Variants in GALNT17 observed in about 807,000 individuals in gnomAD.
The protein encoded by GALNT17 is polypeptide N-acetylgalactosaminyltransferase 17.
Under a neutral mutation model 63.7 loss-of-function variants are expected in GALNT17, and 29 were observed. The observed-to-expected ratio is 0.46, with a 90% CI of 0.34 to 0.62. The LOEUF is 0.62. Ranked by LOEUF, GALNT17 falls within the 20% of genes least tolerant of loss-of-function variation. The probability of loss-of-function intolerance (pLI) is 0.01; values close to 1 mark genes in which losing one functional copy is unlikely to be tolerated. For synonymous variants in GALNT17, 305 were observed against 318.3 expected, an observed-to-expected ratio of 0.96 and a Z score of 0.45; for missense variants, 603 against 799.6, an observed-to-expected ratio of 0.75 and a Z score of 2.97.
chr7:71,289,748 G>A (rs952402356), intron 1 of GALNT17, among the ~76,000 whole-genome samples: 6 of 151,978 alleles, frequency 3.9e-5, no homozygotes, highest in African/African-American at 7.2e-5. Flanking sequence ...GCGTGGTAGC[G>A]CATGCCTGTA....
intron 6 of GALNT17, among the ~76,000 whole-genome samples, chr7:71,626,026 A>G (rs1790370626): frequency 6.6e-6 from 1 of 152,116 alleles, no homozygotes; most frequent in Non-Finnish European, 1.5e-5. Context: ...CAGGCAGATC[A>G]CAAGGTCAGG....
At chr7:71,604,321 T>G (rs1562707505) in intron 6 of GALNT17, among the ~76,000 whole-genome samples, 1 of 152,130 alleles carries the variant, frequency 6.6e-6, no homozygotes, top group East Asian at 1.9e-4. Context: ...CTATGATAAG[T>G]GCATTCACCA....
At chr7:71,457,225 A>G (rs571885492) in intron 5 of GALNT17, among the ~76,000 whole-genome samples, 1 of 152,308 alleles carries the variant, frequency 6.6e-6, no homozygotes, top group Non-Finnish European at 1.5e-5. Flanking sequence ...CCTGCAGGGA[A>G]TTTCCTTGTG....
intron 5 of GALNT17, among the ~76,000 whole-genome samples, chr7:71,509,639 A>G (rs6944628): frequency 0.24 from 36,332 of 152,182 alleles, 4,470 homozygotes; most frequent in Middle Eastern, 0.36. Context: ...TAGAGCCTGT[A>G]TCTTTTTTGG....
intron 1 of GALNT17, among the ~76,000 whole-genome samples, chr7:71,183,013 A>G (rs1788761491): frequency 6.6e-6 from 1 of 152,188 alleles, no homozygotes; most frequent in Non-Finnish European, 1.5e-5. Flanking sequence ...ATGCCAGAGC[A>G]CTGCAGGGCT....
At chr7:71,547,836 A>G (rs1284384366) in intron 5 of GALNT17, among the ~76,000 whole-genome samples, 1 of 152,152 alleles carries the variant, frequency 6.6e-6, no homozygotes, top group African/African-American at 2.4e-5. Flanking sequence ...TATTTTTCAG[A>G]TAAAGAAATG....
intron 6 of GALNT17, among the ~76,000 whole-genome samples, chr7:71,637,513 A>G (rs1365448271): frequency 6.6e-6 from 1 of 151,048 alleles, no homozygotes; most frequent in Non-Finnish European, 1.5e-5. Flanking sequence ...TTAGCCATCA[A>G]GTAGCCTGAG....
rs1468412586 is a variant in GALNT17, at chr7:71,595,896, A to G, written c.1080+24494A>G. 3.3e-5 allele frequency among the ~76,000 whole-genome samples: 5 copies of G among 152,126 alleles called. 1 individual carries two copies. Among genetic ancestry groups the G allele is most frequent in the South Asian group, 4.1e-4 (2 of 4,826 alleles). Reference sequence around the variant, plus strand: ...AATGTAGTTGTCTTTGGAAAAGACAATTTGTTGCAGGAATCAATGGGAGAT... The same window carrying G: ...AATGTAGTTGTCTTTGGAAAAGACAGTTTGTTGCAGGAATCAATGGGAGAT... On this transcript the variant is annotated intron_variant, in intron 6 of 10. Coordinates refer to ENST00000333538, the MANE Select transcript of GALNT17 (RefSeq NM_022479.3).
chr7:71,296,095 G>C (rs1791074637), intron 1 of GALNT17, among the ~76,000 whole-genome samples: 1 of 152,012 alleles, frequency 6.6e-6, no homozygotes, highest in South Asian at 2.1e-4. Flanking sequence ...CATAGTTGGG[G>C]CTATTCCTCT....
At chr7:71,400,242 C>T (rs1463156231) in intron 3 of GALNT17, among the ~76,000 whole-genome samples, 2 of 152,014 alleles carry the variant, frequency 1.3e-5, no homozygotes, top group African/African-American at 4.8e-5. Context: ...TGAGTGAGAA[C>T]ATGCGGTGTT....
intron 1 of GALNT17, among the ~76,000 whole-genome samples, chr7:71,218,356 T>C (rs1269946427): frequency 6.6e-6 from 1 of 152,208 alleles, no homozygotes; most frequent in Non-Finnish European, 1.5e-5. Flanking sequence ...TTTTGTTCTT[T>C]CCTTGGAGTT....
intron 1 of GALNT17, among the ~76,000 whole-genome samples, chr7:71,226,530 C>G (rs1426847206): frequency 6.6e-6 from 1 of 152,146 alleles, no homozygotes; most frequent in African/African-American, 2.4e-5. Flanking sequence ...CTTGCTGTTT[C>G]ACCCAGGCTG....
At chr7:71,700,212 G>C (rs1169254219) in intron 9 of GALNT17, among the ~76,000 whole-genome samples, 1 of 151,614 alleles carries the variant, frequency 6.6e-6, no homozygotes, top group East Asian at 1.9e-4. Context: ...GGAGGCTAAG[G>C]CCCAAGAATC....
Position 71,132,846 on chromosome 7 carries a change from T to C in GALNT17, c.44T>C (p.Leu15Ser), listed in dbSNP as rs1353152364. 6.2e-7 allele frequency: 1 copy of C among 1,612,296 alleles called. No individual in the cohort carries two copies. The highest frequency in any genetic ancestry group is 8.5e-7 in the Non-Finnish European group (1 of 1,179,152). Reference sequence around the variant, plus strand: ...GTCAAAGTGCTGTTGGTGTTGAACTTGATCGCGGTAGCCGGCTTCGTGCTC... The same window carrying C: ...GTCAAAGTGCTGTTGGTGTTGAACTCGATCGCGGTAGCCGGCTTCGTGCTC... Reference protein sequence around the residue: ...RRVKVLLVLNLIAVAGFVLFL... With the variant: ...RRVKVLLVLNSIAVAGFVLFL... The change falls in exon 1 of 11, where the codon TTG (leucine) becomes TCG (serine). Residue 15 changes from leucine (L) to serine (S), a missense_variant. Physicochemically the swap from Leu to Ser is moderately radical, Grantham distance 145 (BLOSUM62 -2). Coordinates refer to ENST00000333538, the MANE Select transcript of GALNT17 (RefSeq NM_022479.3).
At chr7:71,170,159 T>C (rs981798411) in intron 1 of GALNT17, among the ~76,000 whole-genome samples, 1 of 152,130 alleles carries the variant, frequency 6.6e-6, no homozygotes, top group Non-Finnish European at 1.5e-5. Flanking sequence ...CTGAGTCTTA[T>C]TTACATCTTG....
chr7:71,434,426 G>A (rs768585052), intron 5 of GALNT17, among the ~76,000 whole-genome samples: 2 of 152,148 alleles, frequency 1.3e-5, no homozygotes, highest in African/African-American at 4.8e-5. Context: ...TTGTGGGTAA[G>A]GTCAGGTTGA....
At chr7:71,478,076 C>T (rs952385521) in intron 5 of GALNT17, among the ~76,000 whole-genome samples, 1 of 152,048 alleles carries the variant, frequency 6.6e-6, no homozygotes, top group Non-Finnish European at 1.5e-5. Flanking sequence ...ATCCCATCTC[C>T]GATATATATT....
chr7:71,374,051 CATTT>C (rs1177377332), intron 2 of GALNT17, among the ~76,000 whole-genome samples: 2 of 152,092 alleles, frequency 1.3e-5, no homozygotes, highest in African/African-American at 4.8e-5. Context: ...ACAAAGGTAA[CATTT>C]ATAGTATTTT....
rs186809593 is a variant in GALNT17, at chr7:71,612,455, G to A, written c.1080+41053G>A. On this transcript the variant is annotated intron_variant, in intron 6 of 10. Transcript: ENST00000333538. ...CTCCACGCTCTTCGTGCATTGGGTCGAAATTAGTTAAAGGAATGCGTAAAG... is the reference window on the plus strand; with the variant it reads ...CTCCACGCTCTTCGTGCATTGGGTCAAAATTAGTTAAAGGAATGCGTAAAG... 1.2e-4 allele frequency among the ~76,000 whole-genome samples: 19 copies of A among 152,314 alleles called. No homozygotes were observed. The East Asian group carries it at 1.7e-3, about 14-fold the overall frequency.
Sources: allele counts gnomAD v4.1 joint callset (sites outside exome capture counted in the v4.1 genomes callset), GRCh38; gene constraint gnomAD v4.1.1; transcripts MANE v1.5; gene names NCBI Gene and HGNC (gene_info 2026-07-23, HGNC 2026-07-21).